Variants in GPM6A observed in about 807,000 individuals in gnomAD.
GPM6A encodes the protein neuronal membrane glycoprotein M6-a.
GPM6A carries 7 observed loss-of-function variants against 32.1 expected under a neutral mutation model. That is an observed-to-expected ratio of 0.22 (90% CI 0.12 to 0.41). GPM6A has a LOEUF of 0.41. Among genes scored for constraint, GPM6A ranks in the 10% least tolerant of loss-of-function variants. GPM6A has a pLI of 1.00. For missense variants in GPM6A, 235 were observed against 347.2 expected, an observed-to-expected ratio of 0.68 and a Z score of 2.57; for synonymous variants, 130 against 123.4, an observed-to-expected ratio of 1.05 and a Z score of -0.35.
chr4:175,875,607 A>C (rs1465193398), intron 1 of GPM6A, among the ~76,000 whole-genome samples: 1 of 152,116 alleles, frequency 6.6e-6, no homozygotes, highest in East Asian at 1.9e-4. Context: ...TACTTTCCAA[A>C]AGTTGGACAG....
chr4:175,636,590 G>A (rs1298537918), intron 6 of GPM6A, among the ~76,000 whole-genome samples: 2 of 150,236 alleles, frequency 1.3e-5, no homozygotes, highest in African/African-American at 2.4e-5. Context: ...GAGGTCAGGA[G>A]TCCAAGACCA....
intron 1 of GPM6A, among the ~76,000 whole-genome samples, chr4:175,890,146 A>G (rs576931332): frequency 2.0e-5 from 3 of 152,352 alleles, no homozygotes; most frequent in East Asian, 3.9e-4. Context: ...AGAAAATTTG[A>G]TAACAAGTAC....
At chr4:175,840,227 T>C (rs1735893034) in intron 1 of GPM6A, among the ~76,000 whole-genome samples, 3 of 152,318 alleles carry the variant, frequency 2.0e-5, no homozygotes, top group South Asian at 2.1e-4. Flanking sequence ...TTTGAAAATC[T>C]GGGGGTGATT....
chr4:175,700,738 T>G (rs988387895), intron 2 of GPM6A, among the ~76,000 whole-genome samples: 1 of 152,114 alleles, frequency 6.6e-6, no homozygotes, highest in Admixed American at 6.6e-5. Context: ...CTATAAGGGC[T>G]CAGGAGACAA....
intron 2 of GPM6A, among the ~76,000 whole-genome samples, chr4:175,683,229 A>C (rs749534343): frequency 1.1e-4 from 17 of 152,186 alleles, no homozygotes; most frequent in Non-Finnish European, 1.9e-4. Flanking sequence ...TTGAACTTGC[A>C]TGGGGCCTAT....
intron 1 of GPM6A, among the ~76,000 whole-genome samples, chr4:175,856,581 T>G (rs1736424263): frequency 6.6e-6 from 1 of 152,212 alleles, no homozygotes; most frequent in Non-Finnish European, 1.5e-5. Context: ...CTTTTTGGGT[T>G]CCTGCACACA....
intron 6 of GPM6A, among the ~76,000 whole-genome samples, chr4:175,638,880 A>G (rs1009694382): frequency 2.0e-5 from 3 of 152,146 alleles, no homozygotes; most frequent in Admixed American, 6.6e-5. Flanking sequence ...TGTTTGGTAT[A>G]TCATTGGCCA....
At chr4:175,659,581 T>TTAC (rs1384338773) in intron 3 of GPM6A, among the ~76,000 whole-genome samples, 1 of 152,202 alleles carries the variant, frequency 6.6e-6, no homozygotes, top group African/African-American at 2.4e-5. Context: ...TGGAACAGGT[T>TTAC]TACATAATGT....
At chr4:175,766,330 G>A (rs996567941) in intron 1 of GPM6A, among the ~76,000 whole-genome samples, 1 of 152,158 alleles carries the variant, frequency 6.6e-6, no homozygotes. Context: ...AAAGGTAAGT[G>A]ATTCTGAAAT....
At chr4:175,898,197 A>T (rs1457991869) in intron 1 of GPM6A, among the ~76,000 whole-genome samples, 1 of 152,160 alleles carries the variant, frequency 6.6e-6, no homozygotes, top group Non-Finnish European at 1.5e-5. Flanking sequence ...ATAAATTTTA[A>T]AATGATCTAT....
intron 1 of GPM6A, among the ~76,000 whole-genome samples, chr4:175,883,292 A>G (rs1445417008): frequency 6.6e-6 from 1 of 152,164 alleles, no homozygotes; most frequent in Non-Finnish European, 1.5e-5. Flanking sequence ...ATATAATGTG[A>G]GCCATATATG....
At position 175,995,586 on chromosome 4, in the gene GPM6A, G is replaced by A. The variant is rs147994624; in HGVS notation, c.-23+6723C>T. On this transcript the variant is annotated intron_variant, in intron 1 of 7. Transcript: ENST00000280187. ...CAGACTTCCTGCCTCATCATCAGTC[G>A]GATTACATGTTAAAATTGCAGGTCC... is the stretch of plus-strand genomic sequence containing the variant. 7.2e-5 allele frequency among the ~76,000 whole-genome samples: 11 copies of A among 152,090 alleles called. No homozygotes were observed. The South Asian group carries it at 1.9e-3, about 26-fold the overall frequency.
At chr4:175,777,899 A>G (rs1733457970) in intron 1 of GPM6A, among the ~76,000 whole-genome samples, 1 of 152,182 alleles carries the variant, frequency 6.6e-6, no homozygotes, top group African/African-American at 2.4e-5. Context: ...CTTTGATAAC[A>G]TTTACATATC....
chr4:175,884,551 A>T (rs1180342947), intron 1 of GPM6A, among the ~76,000 whole-genome samples: 1 of 152,096 alleles, frequency 6.6e-6, no homozygotes, highest in East Asian at 1.9e-4. Flanking sequence ...ATTATTATTG[A>T]TATGGAGTCT....
chr4:175,652,109 C>A (rs989001598), intron 3 of GPM6A, 122 bp from the exon 4 acceptor site: 4 of 616,238 alleles, frequency 6.5e-6, no homozygotes, highest in Non-Finnish European at 1.1e-5. Context: ...GTCAGTATCA[C>A]AACACTGTTG....
chr4:175,761,158 T>C (rs925716201), intron 1 of GPM6A, among the ~76,000 whole-genome samples: 1 of 152,178 alleles, frequency 6.6e-6, no homozygotes, highest in Non-Finnish European at 1.5e-5. Flanking sequence ...AAAATTTTTG[T>C]TTTCAAGATG....
intron 2 of GPM6A, among the ~76,000 whole-genome samples, chr4:175,684,172 C>T (rs1743842808): frequency 6.6e-6 from 1 of 152,090 alleles, no homozygotes; most frequent in South Asian, 2.1e-4. Flanking sequence ...TTAGTTATTT[C>T]TTTATAGCAA....
chr4:175,733,322 T>G (rs1731513799), intron 1 of GPM6A, among the ~76,000 whole-genome samples: 1 of 152,030 alleles, frequency 6.6e-6, no homozygotes. Context: ...GCTAACACAG[T>G]GAAATCCTGT....
intron 1 of GPM6A, among the ~76,000 whole-genome samples, chr4:175,711,386 A>G (rs1246902570): frequency 7.5e-6 from 1 of 134,214 alleles, no homozygotes; most frequent in Non-Finnish European, 1.5e-5. Flanking sequence ...AAGAGAGTTT[A>G]AAAAGGGCAC....
Sources: allele counts gnomAD v4.1 joint callset (sites outside exome capture counted in the v4.1 genomes callset), GRCh38; gene constraint gnomAD v4.1.1; transcripts MANE v1.5; gene names NCBI Gene and HGNC (gene_info 2026-07-23, HGNC 2026-07-21).